SLC25A40: variants seen among roughly 807,000 people sequenced by gnomAD.
The protein encoded by SLC25A40 is solute carrier family 25 member 40, also known as mitochondrial glutathione transporter SLC25A40.
In SLC25A40, 41 loss-of-function variants were observed where a neutral mutation model predicts 46.5. The observed-to-expected ratio is 0.88, with a 90% CI of 0.69 to 1.14. The LOEUF is 1.14. Ranked by LOEUF, SLC25A40 falls within the 50% of genes most tolerant of loss-of-function variation. The probability of loss-of-function intolerance (pLI) is 0.00; values close to 1 mark genes in which losing one functional copy is unlikely to be tolerated. For synonymous variants in SLC25A40, 126 were observed against 127.5 expected (o/e 0.99, Z 0.08); for missense variants, 386 against 393.6 (o/e 0.98, Z 0.16).
chr7:87,848,032 C>A, intron 6 of SLC25A40, 55 bp from the exon 7 acceptor site: 1 of 1,543,614 alleles, frequency 6.5e-7, no homozygotes, highest in South Asian at 1.3e-5. Context: ...CCCACATAGT[C>A]TTAACTTAAA....
rs1000616551 is a variant in SLC25A40 at position 87,836,033 on chromosome 7, G to C, written c.*216C>G. On this transcript the variant is annotated 3_prime_UTR_variant, in exon 12 of 12. Coordinates refer to ENST00000341119, the MANE Select transcript of SLC25A40 (RefSeq NM_018843.4). ...ATCTATTTTTACAAGAATGCTCAAT[G>C]GTGGTGATTTCTAGAATATCTTTTT... 2 of 405,262 alleles carry C rather than the reference G, an allele frequency of 4.9e-6. No homozygotes were observed. The highest frequency in any genetic ancestry group is 2.1e-5 in the African/African-American group (1 of 47,056). 25.1% of individuals were successfully genotyped at this position (405,262 alleles called of 1,614,324 possible).
At chr7:87,845,156 T>A (rs1838393346) in intron 8 of SLC25A40, among the ~76,000 whole-genome samples, 1 of 152,118 alleles carries the variant, frequency 6.6e-6, no homozygotes, top group Non-Finnish European at 1.5e-5. Context: ...AATAATTCAG[T>A]TTGGTACTGG....
At chr7:87,840,201 G>A (rs985136562) in intron 10 of SLC25A40, among the ~76,000 whole-genome samples, 2 of 151,672 alleles carry the variant, frequency 1.3e-5, no homozygotes, top group Non-Finnish European at 3.0e-5. Flanking sequence ...ACCAGTGATA[G>A]GTAAGAGTTA....
chr7:87,853,019 T>TGTGAAAGACCATGTTTAAGAGG (rs1429974611), intron 5 of SLC25A40, among the ~76,000 whole-genome samples: 3 of 152,216 alleles, frequency 2.0e-5, no homozygotes, highest in Non-Finnish European at 4.4e-5. Context: ...AGTTTTACCC[T>TGTGAAAGACCATGTTTAAGAGG]GTGAAAGACC....
At chr7:87,841,506 C>T in intron 10 of SLC25A40, 127 bp downstream of exon 10, 1 of 508,340 alleles carries the variant, frequency 2.0e-6, no homozygotes, top group Non-Finnish European at 3.3e-6. Context: ...ATATTACTTT[C>T]AGTAAAATAC....
At chr7:87,861,201 G>C (rs1473297042) in intron 1 of SLC25A40, among the ~76,000 whole-genome samples, 1 of 152,150 alleles carries the variant, frequency 6.6e-6, no homozygotes, top group East Asian at 1.9e-4. Flanking sequence ...TTGAATCAAA[G>C]GTGGGAAAAA....
intron 5 of SLC25A40, among the ~76,000 whole-genome samples, chr7:87,850,742 C>T (rs1838494762): frequency 6.6e-6 from 1 of 150,524 alleles, no homozygotes; most frequent in East Asian, 1.9e-4. Flanking sequence ...CACTCCAGGC[C>T]TGGGCAACAG....
intron 1 of SLC25A40, among the ~76,000 whole-genome samples, chr7:87,868,312 C>A (rs1229594364): frequency 6.6e-6 from 1 of 152,220 alleles, no homozygotes; most frequent in Non-Finnish European, 1.5e-5. Context: ...TGCTCTCACA[C>A]CAGAAGAATC....
intron 10 of SLC25A40, 78 bp from the exon 11 acceptor site, chr7:87,836,888 T>C: frequency 3.6e-6 from 3 of 842,808 alleles, no homozygotes; most frequent in East Asian, 3.4e-5. Context: ...ATAGTGTCCA[T>C]GGCCCTTGCG....
At position 87,856,319 on chromosome 7, in the gene SLC25A40, G is replaced by C. The variant is rs1481389359; in HGVS notation, c.130C>G (p.Gln44Glu). 6.2e-7 allele frequency: 1 copy of C among 1,613,242 alleles called. No individual in the cohort carries two copies. Among genetic ancestry groups the C allele is most frequent in the Admixed American group, 1.7e-5 (1 of 59,990 alleles). The change falls in exon 4 of 12, where the codon CAA becomes GAA. Residue 44 changes from glutamine (Q) to glutamate (E), a missense_variant. Transcript: ENST00000341119. ...TPLDVVKIRLQAQNNPLPKGK... is the reference protein window; with the variant it reads ...TPLDVVKIRLEAQNNPLPKGK... ...TTGGGGAGTGGGTTGTTTTGGGCTTGGAGTCTAATTTTAACAACATCCAGG... is the reference window on the plus strand; with the variant it reads ...TTGGGGAGTGGGTTGTTTTGGGCTTCGAGTCTAATTTTAACAACATCCAGG...
intron 8 of SLC25A40, among the ~76,000 whole-genome samples, chr7:87,844,396 A>AG (rs1190003945): frequency 6.6e-6 from 1 of 152,110 alleles, no homozygotes; most frequent in East Asian, 1.9e-4. Context: ...TTTCTTGGAA[A>AG]CCTAGAAGTA....
chr7:87,859,106 T>C (rs183982026), intron 2 of SLC25A40, among the ~76,000 whole-genome samples: 1 of 152,314 alleles, frequency 6.6e-6, no homozygotes, highest in East Asian at 1.9e-4. Flanking sequence ...TAAAAAGTTT[T>C]AAAAAGTCAG....
chr7:87,846,174 T>C (rs908397709), intron 8 of SLC25A40, among the ~76,000 whole-genome samples: 1 of 152,182 alleles, frequency 6.6e-6, no homozygotes, highest in Non-Finnish European at 1.5e-5. Flanking sequence ...CTAAACAATA[T>C]AATGTTTGGC....
Position 87,835,945 on chromosome 7 carries a change from TTA to T in SLC25A40, c.*302_*303del, listed in dbSNP as rs1365819316. On this transcript the variant is annotated 3_prime_UTR_variant, in exon 12 of 12. Coordinates refer to ENST00000341119, the MANE Select transcript of SLC25A40 (RefSeq NM_018843.4). ...TGTATTCAACACACTCCCAGTAAGA[TTA>T]TGTTACACTGAAACATATAATATTA... The T allele has an allele frequency of 8.6e-6, 2 of 231,392 alleles. No homozygotes were observed. The highest frequency in any genetic ancestry group is 1.7e-5 in the Non-Finnish European group (2 of 120,166). The allele number at this position is 231,392 out of a possible 1,614,324, so 14.3% of individuals were successfully genotyped here.
chr7:87,864,817 T>C (rs1838762964), intron 1 of SLC25A40, among the ~76,000 whole-genome samples: 1 of 152,212 alleles, frequency 6.6e-6, no homozygotes, highest in African/African-American at 2.4e-5. Flanking sequence ...TCTGTGTTAG[T>C]ACTAATAATA....
chr7:87,865,259 T>C (rs555130649), intron 1 of SLC25A40, among the ~76,000 whole-genome samples: 1 of 152,270 alleles, frequency 6.6e-6, no homozygotes, highest in African/African-American at 2.4e-5. Context: ...TGAAAACTTA[T>C]TTTAGATAAC....
intron 10 of SLC25A40, 26 bp downstream of exon 10, chr7:87,841,607 A>G (rs1259453022): frequency 1.4e-6 from 2 of 1,383,146 alleles, no homozygotes; most frequent in East Asian, 5.5e-5. Flanking sequence ...GGCATCTTAA[A>G]AATATTTTAA....
intron 1 of SLC25A40, among the ~76,000 whole-genome samples, chr7:87,861,119 A>C (rs994508194): frequency 6.6e-6 from 1 of 152,232 alleles, no homozygotes; most frequent in African/African-American, 2.4e-5. Flanking sequence ...AACTAGTGTA[A>C]CAAGGTAATG....
rs1838285469 is a variant in SLC25A40, at chr7:87,838,348, AG to A, written c.824-1539del. Among the ~76,000 whole-genome samples, 3 of 151,488 alleles carry A rather than the reference AG, an allele frequency of 2.0e-5. No homozygotes were observed. The South Asian group carries it at 6.2e-4, about 31-fold the overall frequency. On this transcript the variant is annotated intron_variant, in intron 10 of 11. Transcript: ENST00000341119. ...GCCCCAAACTAGTTTCTATTTTAAC[AG>A]GAAGGTGAAATTAAGAGAATGATAA...
Sources: allele counts gnomAD v4.1 joint callset (sites outside exome capture counted in the v4.1 genomes callset), GRCh38; gene constraint gnomAD v4.1.1; transcripts MANE v1.5; gene names NCBI Gene and HGNC (gene_info 2026-07-23, HGNC 2026-07-21).